The following SULF1 variants were observed in gnomAD, a reference collection of about 807,000 sequenced individuals.
SULF1 encodes extracellular sulfatase Sulf-1.
Under a neutral mutation model 110.5 loss-of-function variants are expected in SULF1, and 46 were observed. The observed-to-expected ratio is 0.42, with a 90% CI of 0.33 to 0.53. The LOEUF (loss-of-function observed/expected upper bound fraction) is 0.53. Ranked by LOEUF, SULF1 falls within the 20% of genes least tolerant of loss-of-function variation. SULF1 has a pLI of 0.12. For synonymous variants in SULF1, 371 were observed against 387.1 expected (o/e 0.96, Z 0.49); for missense variants, 941 against 1,094.2 (o/e 0.86, Z 1.98).
At chr8:69,527,339 G>C (rs549911464) in intron 3 of SULF1, among the ~76,000 whole-genome samples, 1 of 152,162 alleles carries the variant, frequency 6.6e-6, no homozygotes, top group South Asian at 2.1e-4. Context: ...ACAAAGTCTT[G>C]TAGTAGAAAC....
intron 3 of SULF1, among the ~76,000 whole-genome samples, chr8:69,504,740 G>C (rs1243084278): frequency 2.6e-5 from 4 of 151,966 alleles, no homozygotes; most frequent in Non-Finnish European, 4.4e-5. Flanking sequence ...AGAGATCTCT[G>C]CCCCTTTTCA....
chr8:69,515,100 C>T (rs1162942984), intron 3 of SULF1, among the ~76,000 whole-genome samples: 1 of 152,196 alleles, frequency 6.6e-6, no homozygotes, highest in Non-Finnish European at 1.5e-5. Context: ...CTAGGCAATG[C>T]CCCTGTGGGA....
At chr8:69,513,545 T>C (rs1257900299) in intron 3 of SULF1, among the ~76,000 whole-genome samples, 1 of 152,242 alleles carries the variant, frequency 6.6e-6, no homozygotes, top group Non-Finnish European at 1.5e-5. Context: ...ATAGGAACAC[T>C]ACATAGACAA....
intron 3 of SULF1, among the ~76,000 whole-genome samples, chr8:69,510,222 C>A (rs1451086960): frequency 2.6e-5 from 4 of 152,154 alleles, no homozygotes; most frequent in Non-Finnish European, 4.4e-5. Flanking sequence ...AGTTATCACC[C>A]ACAAAAGTGA....
chr8:69,520,672 T>G (rs1290198324), intron 3 of SULF1, among the ~76,000 whole-genome samples: 1 of 152,228 alleles, frequency 6.6e-6, no homozygotes, highest in Non-Finnish European at 1.5e-5. Flanking sequence ...CCCTTTGGTT[T>G]ACATTTGCCA....
Position 69,618,780 on chromosome 8 carries a change from T to C in SULF1, c.1378-2255T>C, listed in dbSNP as rs142941992. On this transcript the variant is annotated intron_variant, in intron 13 of 22. Coordinates refer to ENST00000402687, the MANE Select transcript of SULF1 (RefSeq NM_001128205.2). ...GTATCTCTAGGATTTGGGGATTATA[T>C]AGTAGAAGCCAAAAAGCAGCTCTGA... 3.3e-5 allele frequency among the ~76,000 whole-genome samples: 5 copies of C among 152,332 alleles called. No individual in the cohort carries two copies. The East Asian group carries it at 9.6e-4, about 29-fold the overall frequency.
At chr8:69,490,774 T>G (rs1464515650), upstream of SULF1, among the ~76,000 whole-genome samples, 1 of 138,396 alleles carries the variant, frequency 7.2e-6, no homozygotes, top group Non-Finnish European at 1.5e-5. Context: ...ATGACCAGAC[T>G]CAATTTACCC....
chr8:69,555,994 G>GA (rs775714418), intron 3 of SULF1, among the ~76,000 whole-genome samples: 2 of 152,070 alleles, frequency 1.3e-5, no homozygotes, highest in Non-Finnish European at 2.9e-5. Flanking sequence ...AAAAATCCCC[G>GA]AATCTGTCGA....
At chr8:69,485,867 T>G (rs1809685253) in intron 1 of SULF1, among the ~76,000 whole-genome samples, 3 of 152,216 alleles carry the variant, frequency 2.0e-5, no homozygotes, top group African/African-American at 7.2e-5. Context: ...TTTCTGTGTC[T>G]GGAATCCACT....
intron 3 of SULF1, among the ~76,000 whole-genome samples, chr8:69,519,492 A>T (rs1040748985): frequency 1.3e-5 from 2 of 152,180 alleles, no homozygotes; most frequent in Admixed American, 6.6e-5. Flanking sequence ...CTAGAGATCA[A>T]TGCTAGAGTC....
At chr8:69,633,637 AG>A (rs1435141684) in intron 19 of SULF1, among the ~76,000 whole-genome samples, 1 of 151,816 alleles carries the variant, frequency 6.6e-6, no homozygotes, top group African/African-American at 2.4e-5. Flanking sequence ...GCACCCGGCC[AG>A]GACATTCATT....
chr8:69,605,627 T>C (rs1409700770), intron 13 of SULF1, among the ~76,000 whole-genome samples: 1 of 152,182 alleles, frequency 6.6e-6, no homozygotes, highest in Non-Finnish European at 1.5e-5. Flanking sequence ...TTTAAACCAG[T>C]TTAAAACCAT....
At chr8:69,647,619 C>G (rs775346292) in intron 22 of SULF1, among the ~76,000 whole-genome samples, 9 of 151,964 alleles carry the variant, frequency 5.9e-5, no homozygotes, top group African/African-American at 2.2e-4. Flanking sequence ...AAAATAAAAA[C>G]GGCTAGGCAC....
rs753457698 is a variant in SULF1, at chr8:69,586,521, C to G, written c.564+13C>G. ...TGATTATGCAAAGGTAATTTTCAGG[C>G]ACTTTTACACTGCATCAATTTACTT... On this transcript the variant is annotated intron_variant, in intron 7 of 22. Coordinates refer to ENST00000402687, the MANE Select transcript of SULF1 (RefSeq NM_001128205.2). The G allele has an allele frequency of 6.2e-7, 1 of 1,604,284 alleles. No individual in the cohort carries two copies. Among genetic ancestry groups the G allele is most frequent in the Non-Finnish European group, 8.5e-7 (1 of 1,178,346 alleles).
chr8:69,513,861 G>A (rs778217764), intron 3 of SULF1, among the ~76,000 whole-genome samples: 9 of 152,204 alleles, frequency 5.9e-5, no homozygotes, highest in Non-Finnish European at 1.0e-4. Context: ...GAGACAAATA[G>A]TAACACACAC....
At chr8:69,619,240 G>A (rs967391351) in intron 13 of SULF1, among the ~76,000 whole-genome samples, 3 of 152,122 alleles carry the variant, frequency 2.0e-5, no homozygotes, top group Non-Finnish European at 2.9e-5. Flanking sequence ...AAAAGTTTCA[G>A]TAGATAATGG....
At chr8:69,512,993 G>T (rs1239481254) in intron 3 of SULF1, among the ~76,000 whole-genome samples, 1 of 152,032 alleles carries the variant, frequency 6.6e-6, no homozygotes, top group Non-Finnish European at 1.5e-5. Context: ...CCTTAATTAT[G>T]ATTCATATTT....
intron 3 of SULF1, among the ~76,000 whole-genome samples, chr8:69,545,493 C>T (rs1213415178): frequency 6.6e-6 from 1 of 152,188 alleles, no homozygotes; most frequent in African/African-American, 2.4e-5. Flanking sequence ...AAGACTGGAA[C>T]ATTAGCCACT....
In SULF1 at chr8:69,603,205, G is replaced by A. The variant is rs140542311; in HGVS notation, c.1075G>A (p.Val359Ile). Residue 359 changes from valine (V) to isoleucine (I), a missense_variant, in exon 11 of 23, where the codon GTT becomes ATT. Physicochemically the swap from Val to Ile is conservative, Grantham distance 29. Coordinates refer to ENST00000402687, the MANE Select transcript of SULF1 (RefSeq NM_001128205.2). Reference protein sequence around the residue: ...VEPGSIVPQIVLNIDLAPTIL... With the variant: ...VEPGSIVPQIILNIDLAPTIL... ...GCCCCTTTACAGAGTCCCACAGATC[G>A]TTCTCAACATTGACTTGGCCCCCAC... 5.3e-4 allele frequency: 855 copies of A among 1,614,092 alleles called. 2 individuals are homozygous for A. Among genetic ancestry groups the A allele is most frequent in the Non-Finnish European group, 6.8e-4 (797 of 1,180,006 alleles).
Sources: allele counts gnomAD v4.1 joint callset (sites outside exome capture counted in the v4.1 genomes callset), GRCh38; gene constraint gnomAD v4.1.1; transcripts MANE v1.5; gene names NCBI Gene and HGNC (gene_info 2026-07-23, HGNC 2026-07-21).